The following DHRSX variants were observed in gnomAD, a reference collection of about 807,000 sequenced individuals.
DHRSX encodes dehydrogenase/reductase X-linked, also known as polyprenol dehydrogenase.
DHRSX carries 31 observed loss-of-function variants against 34.0 expected under a neutral mutation model. The observed-to-expected ratio is 0.91, with a 90% CI of 0.69 to 1.23. DHRSX has a LOEUF of 1.23. Among genes scored for constraint, DHRSX ranks in the 50% most tolerant of loss-of-function variants. DHRSX has a pLI of 0.00. For missense variants in DHRSX, 414 were observed against 428.1 expected (o/e 0.97, Z 0.29); for synonymous variants, 201 against 183.8 (o/e 1.09, Z -0.76).
At chrX:2,236,476 G>C (rs984473608) in intron 6 of DHRSX, among the ~76,000 whole-genome samples, 2 of 152,094 alleles carry the variant, frequency 1.3e-5, no homozygotes, top group Non-Finnish European at 2.9e-5. Flanking sequence ...TTGTCACCCA[G>C]GCTGGAGTGC....
intron 3 of DHRSX, among the ~76,000 whole-genome samples, chrX:2,368,344 G>A (rs1603015465): frequency 1.3e-5 from 2 of 152,032 alleles, no homozygotes; most frequent in South Asian, 2.1e-4. Context: ...AGTCACATAC[G>A]TAATTTATAA....
intron 3 of DHRSX, among the ~76,000 whole-genome samples, chrX:2,325,333 G>C (rs1176055453): frequency 3.3e-5 from 5 of 151,054 alleles, no homozygotes; most frequent in Admixed American, 1.3e-4. Flanking sequence ...CCATCTTCCC[G>C]GCAGGAACTA....
chrX:2,414,964 C>T (rs2043675562), intron 2 of DHRSX, among the ~76,000 whole-genome samples: 1 of 151,926 alleles, frequency 6.6e-6, no homozygotes. Flanking sequence ...TAGACCTCAT[C>T]ATGACATGAG....
intron 1 of DHRSX, among the ~76,000 whole-genome samples, chrX:2,474,878 C>T (rs1435655582): frequency 6.6e-6 from 1 of 151,812 alleles, no homozygotes; most frequent in Non-Finnish European, 1.5e-5. Flanking sequence ...TAAGACGTTC[C>T]CTAAGAATGC....
chrX:2,284,865 G>A (rs1406934770), intron 4 of DHRSX, among the ~76,000 whole-genome samples: 7 of 152,166 alleles, frequency 4.6e-5, no homozygotes, highest in Admixed American at 4.6e-4. Flanking sequence ...GATATTCTAT[G>A]TCTGAAGTAT....
chrX:2,382,010 A>C (rs187494646), intron 3 of DHRSX, among the ~76,000 whole-genome samples: 3 of 152,262 alleles, frequency 2.0e-5, no homozygotes, highest in South Asian at 2.1e-4. Context: ...CATGGCTTGC[A>C]TGGCTGACAG....
intron 1 of DHRSX, among the ~76,000 whole-genome samples, chrX:2,444,049 T>C (rs2044097545): frequency 6.6e-6 from 1 of 150,786 alleles, no homozygotes; most frequent in African/African-American, 2.4e-5. Flanking sequence ...CATGGCCAAT[T>C]CCAAGCCTGA....
At chrX:2,286,101 A>G (rs752270329) in intron 4 of DHRSX, among the ~76,000 whole-genome samples, 23 of 151,916 alleles carry the variant, frequency 1.5e-4, no homozygotes, top group African/African-American at 5.6e-4. Flanking sequence ...GACTGTGTAG[A>G]ATCCAGCCTT....
intron 3 of DHRSX, among the ~76,000 whole-genome samples, chrX:2,371,696 TC>T (rs202195111): frequency 0.034 from 4,962 of 144,936 alleles, 164 homozygotes; most frequent in East Asian, 0.13. Context: ...TCACCGCCCC[TC>T]CTCCTCCCAT....
At chrX:2,402,608 A>C (rs2043499876) in intron 3 of DHRSX, among the ~76,000 whole-genome samples, 1 of 152,228 alleles carries the variant, frequency 6.6e-6, no homozygotes, top group Non-Finnish European at 1.5e-5. Flanking sequence ...GGGCCTCAGC[A>C]TCATCTATCA....
chrX:2,287,571 G>T (rs76036175), intron 4 of DHRSX, among the ~76,000 whole-genome samples: 2 of 149,138 alleles, frequency 1.3e-5, no homozygotes, highest in Admixed American at 1.3e-4. Flanking sequence ...TCCCCATGTG[G>T]GAGACAGAAT....
chrX:2,437,694 AGAGAGTGTGTGT>A (rs1250405502), intron 1 of DHRSX, among the ~76,000 whole-genome samples: 19 of 69,354 alleles, frequency 2.7e-4, no homozygotes, highest in East Asian at 1.1e-3. Flanking sequence ...AGAGAGAGAG[AGAGAGTGTGTGT>A]GTGTGTGTGT....
At chrX:2,489,238 C>G (rs144504301) in intron 1 of DHRSX, 39 of 1,613,994 alleles carry the variant, frequency 2.4e-5, no homozygotes, top group Non-Finnish European at 2.5e-5. Context: ...CCACGCGATT[C>G]TCCACCTGCT....
At chrX:2,317,398 T>C (rs1280344570) in intron 3 of DHRSX, among the ~76,000 whole-genome samples, 1 of 151,732 alleles carries the variant, frequency 6.6e-6, no homozygotes, top group African/African-American at 2.4e-5. Flanking sequence ...ATTACAGGCA[T>C]GCAACGCCAC....
rs150421219 is a variant in DHRSX at position 2,374,158 on chromosome X, C to T, written c.286+34587G>A. Among the ~76,000 whole-genome samples, 517 of 152,258 alleles carry T rather than the reference C, an allele frequency of 3.4e-3. 1 individual carries two copies. Among genetic ancestry groups the T allele is most frequent in the African/African-American group, 0.012 (497 of 41,566 alleles). On this transcript the variant is annotated intron_variant, in intron 3 of 6. Transcript: ENST00000334651. ...CTATGTTGCCCAGTCTGATCTCAAA[C>T]TCCTGGGCTCATATGATCCTTCTGT...
In DHRSX at chrX:2,405,316, G is replaced by A. The variant is rs1217279679; in HGVS notation, c.286+3429C>T. Among the ~76,000 whole-genome samples the A allele has an allele frequency of 3.3e-5, 5 of 151,430 alleles. No individual in the cohort carries two copies. In the South Asian group the frequency reaches 6.3e-4, roughly 19 times the overall value. ...AGCCTGGCCAAGATGGTGAAACCCC[G>A]TCTCTACTAAAAATACAAAAATTAG... On this transcript the variant is annotated intron_variant, in intron 3 of 6. Coordinates refer to ENST00000334651, the MANE Select transcript of DHRSX (RefSeq NM_145177.3).
chrX:2,285,412 C>T (rs2041793038), intron 4 of DHRSX, among the ~76,000 whole-genome samples: 1 of 152,122 alleles, frequency 6.6e-6, no homozygotes, highest in Non-Finnish European at 1.5e-5. Flanking sequence ...ATAAGGAGTG[C>T]ACAACCTAAG....
At position 2,478,122 on chromosome X, in the gene DHRSX, A is replaced by G. The variant is rs1275917881; in HGVS notation, c.109+22695T>C. Among the ~76,000 whole-genome samples, 8 of 152,176 alleles carry G rather than the reference A, an allele frequency of 5.3e-5. No individual in the cohort carries two copies. The East Asian group carries it at 1.5e-3, about 29-fold the overall frequency. ...AAATGAAGCCTTGGCTGTGATTCAG[A>G]CCATTTCTTGGTATCAAACGTGTAG... On this transcript the variant is annotated intron_variant, in intron 1 of 6. Coordinates refer to ENST00000334651, the MANE Select transcript of DHRSX (RefSeq NM_145177.3).
intron 3 of DHRSX, among the ~76,000 whole-genome samples, chrX:2,346,022 C>T (rs769507193): frequency 6.6e-6 from 1 of 152,264 alleles, no homozygotes; most frequent in Non-Finnish European, 1.5e-5. Context: ...CACCCACCTC[C>T]CGTGGTATCC....
Sources: allele counts gnomAD v4.1 joint callset (sites outside exome capture counted in the v4.1 genomes callset), GRCh38; gene constraint gnomAD v4.1.1; transcripts MANE v1.5; gene names NCBI Gene and HGNC (gene_info 2026-07-23, HGNC 2026-07-21).